Variants in NARS2 observed in about 807,000 individuals in gnomAD.
NARS2 encodes the protein asparaginyl-tRNA synthetase 2, mitochondrial, also known as asparaginyl-tRNA synthetase.
NARS2 carries 60 observed loss-of-function variants against 62.9 expected under a neutral mutation model. The ratio of observed to expected loss-of-function variants is 0.95; its 90% CI spans 0.77 to 1.18. NARS2 has a LOEUF of 1.18. NARS2 is among the 50% of genes most tolerant of loss of function. The pLI is 0.00. For synonymous variants in NARS2, 196 were observed against 200.0 expected, an observed-to-expected ratio of 0.98 and a Z score of 0.17; for missense variants, 619 against 576.4, an observed-to-expected ratio of 1.07 and a Z score of -0.76.
At chr11:78,554,508 C>CGTGTGTGCGTGTGTGTGTGTGTGTGT (rs1555041424) in intron 5 of NARS2, among the ~76,000 whole-genome samples, 2 of 146,914 alleles carry the variant, frequency 1.4e-5, no homozygotes, top group Non-Finnish European at 3.0e-5. Context: ...GGCGTGTGTG[C>CGTGTGTGCGTGTGTGTGTGTGTGTGT]GTGTGTGTGT....
At chr11:78,551,215 C>A (rs1856094096) in intron 5 of NARS2, among the ~76,000 whole-genome samples, 1 of 152,170 alleles carries the variant, frequency 6.6e-6, no homozygotes, top group Non-Finnish European at 1.5e-5. Flanking sequence ...GAGGCAGACA[C>A]GTTCTGAGAA....
intron 9 of NARS2, among the ~76,000 whole-genome samples, chr11:78,476,911 A>ACC (rs1859123397): frequency 6.6e-6 from 1 of 152,210 alleles, no homozygotes. Context: ...TGAGCTTTGA[A>ACC]ATCAGATGAA....
intron 9 of NARS2, among the ~76,000 whole-genome samples, chr11:78,472,723 C>T (rs940049860): frequency 6.6e-6 from 1 of 152,186 alleles, no homozygotes; most frequent in Admixed American, 6.5e-5. Flanking sequence ...GTTTCTCTTT[C>T]GCCATCTCCC....
Position 78,447,249 on chromosome 11 carries a change from G to C in NARS2, c.1165-3491C>G, listed in dbSNP as rs138528485. ...TGCTCAGGCTGGACTTGAACTCCTG[G>C]GTTCAAGCGATCTCCTGCCTCAGCC... On this transcript the variant is annotated intron_variant, in intron 11 of 13. Transcript: ENST00000281038. 1.7e-3 allele frequency among the ~76,000 whole-genome samples: 264 copies of C among 151,828 alleles called. 3 individuals are homozygous for C. The highest frequency in any genetic ancestry group is 6.8e-3 in the Middle Eastern group (2 of 294).
intron 7 of NARS2, among the ~76,000 whole-genome samples, chr11:78,492,564 C>A (rs1280478294): frequency 6.6e-6 from 1 of 152,164 alleles, no homozygotes; most frequent in East Asian, 1.9e-4. Flanking sequence ...TTGTCCCCTG[C>A]TCAACTGAGC....
chr11:78,448,846 T>C (rs1038411052), intron 11 of NARS2, among the ~76,000 whole-genome samples: 5 of 152,216 alleles, frequency 3.3e-5, no homozygotes. Flanking sequence ...TGGATCTTGC[T>C]GCTAAGATAA....
Position 78,493,119 on chromosome 11 carries a change from ACT to A in NARS2, c.764_765del (p.Glu255ValfsTer12). ...ENSQSRRHLA[E>X]FYMIEAEISF... ...GAAATCTCTGCTTCTATCATATAAA[ACT>A]CTGCCAGGTGCCTCCGGCTCTGAGA... is the stretch of plus-strand genomic sequence containing the variant. On this transcript the variant is annotated frameshift_variant, in exon 7 of 14. Coordinates refer to ENST00000281038, the MANE Select transcript of NARS2 (RefSeq NM_024678.6). LOFTEE classifies it high-confidence loss of function. 6.2e-7 allele frequency: 1 copy of A among 1,613,954 alleles called. No homozygotes were observed. The highest frequency in any genetic ancestry group is 1.3e-5 in the African/African-American group (1 of 74,988).
intron 11 of NARS2, among the ~76,000 whole-genome samples, chr11:78,444,840 A>G (rs1221215529): frequency 6.6e-6 from 1 of 152,208 alleles, no homozygotes; most frequent in Non-Finnish European, 1.5e-5. Flanking sequence ...ATAAACCAAT[A>G]AGCTCATATA....
rs745763966 is a variant in NARS2 at position 78,574,435 on chromosome 11, G to A, written c.54C>T (p.Pro18=). ...TGGCTGAAGGTTTGTGCTTGGGGAA[G>A]GGGGCGGAGGAACAGAAGCGCACGG... The part of the protein sequence containing the change: ...LRSVRFCSSA[P]FPKHKPSAKL... Residue 18 remains proline, a synonymous_variant, in exon 1 of 14, where the codon CCC becomes CCT. Transcript: ENST00000281038. The A allele has an allele frequency of 7.4e-6, 12 of 1,614,050 alleles. No homozygotes were observed. Among genetic ancestry groups the A allele is most frequent in the Admixed American group, 5.0e-5 (3 of 60,012 alleles).
intron 6 of NARS2, among the ~76,000 whole-genome samples, chr11:78,510,587 C>A (rs1316148906): frequency 6.6e-6 from 1 of 152,076 alleles, no homozygotes; most frequent in African/African-American, 2.4e-5. Flanking sequence ...GGACTTAATA[C>A]AATAAAACCA....
chr11:78,462,753 T>C (rs1858446612), intron 11 of NARS2, among the ~76,000 whole-genome samples: 1 of 152,106 alleles, frequency 6.6e-6, no homozygotes, highest in African/African-American at 2.4e-5. Flanking sequence ...TTCCTAAGCA[T>C]CTAGTAAACG....
chr11:78,519,900 AGCC>A (rs1378481585), intron 6 of NARS2, among the ~76,000 whole-genome samples: 1 of 152,036 alleles, frequency 6.6e-6, no homozygotes, highest in Non-Finnish European at 1.5e-5. Flanking sequence ...TCACCATGTT[AGCC>A]AGGATGGTCT....
At chr11:78,483,578 T>C (rs1370856326) in intron 7 of NARS2, among the ~76,000 whole-genome samples, 1 of 152,022 alleles carries the variant, frequency 6.6e-6, no homozygotes, top group East Asian at 1.9e-4. Context: ...AATCACAAGC[T>C]TTCCTATACA....
intron 10 of NARS2, 92 bp from the exon 11 acceptor site, chr11:78,466,105 C>T (rs1858610393): frequency 7.6e-7 from 1 of 1,311,810 alleles, no homozygotes; most frequent in Non-Finnish European, 1.0e-6. Context: ...ATTCTAAGGG[C>T]TTCATCTTCC....
At chr11:78,485,897 G>A (rs563145582) in intron 7 of NARS2, among the ~76,000 whole-genome samples, 4 of 152,114 alleles carry the variant, frequency 2.6e-5, no homozygotes, top group Non-Finnish European at 4.4e-5. Flanking sequence ...TTTTTGAGAC[G>A]GAGTCTTGCT....
intron 1 of NARS2, chr11:78,571,679 GCCTAACATT>G (rs1191692547): frequency 1.5e-5 from 6 of 402,512 alleles, no homozygotes; most frequent in African/African-American, 4.0e-5. Flanking sequence ...TCGAATGGAT[GCCTAACATT>G]CCTTCATGTT....
At chr11:78,472,596 A>G (rs959853302) in intron 9 of NARS2, among the ~76,000 whole-genome samples, 3 of 152,240 alleles carry the variant, frequency 2.0e-5, no homozygotes, top group Non-Finnish European at 4.4e-5. Flanking sequence ...ACATTTTCAT[A>G]TAAAATAATT....
intron 5 of NARS2, chr11:78,555,103 T>G (rs1407067762): frequency 6.6e-6 from 1 of 152,224 alleles, no homozygotes; most frequent in Non-Finnish European, 1.5e-5. Context: ...GTGGATTAAA[T>G]TTCTGATGTG....
intron 11 of NARS2, among the ~76,000 whole-genome samples, chr11:78,444,848 A>G (rs750639429): frequency 9.2e-5 from 14 of 152,342 alleles, no homozygotes; most frequent in Non-Finnish European, 1.8e-4. Flanking sequence ...ATAAGCTCAT[A>G]TAACTGATAC....
Sources: gnomAD v4.1 joint callset for allele counts (sites outside exome capture counted in the v4.1 genomes callset) on GRCh38, gnomAD v4.1.1 for gene constraint, MANE v1.5 for transcripts, NCBI Gene and HGNC (gene_info 2026-07-23, HGNC 2026-07-21) for gene names.